The following WWC2 variants were observed in gnomAD, a reference collection of about 807,000 sequenced individuals.
WWC2 encodes the protein protein WWC2.
In WWC2, 101 loss-of-function variants were observed where a neutral mutation model predicts 138.5. The ratio of observed to expected loss-of-function variants is 0.73; its 90% confidence interval spans 0.62 to 0.86. The LOEUF is 0.86. WWC2 is among the 40% of genes least tolerant of loss of function. WWC2 has a pLI of 0.00. For missense variants in WWC2, 1,420 were observed against 1,419.4 expected, an observed-to-expected ratio of 1.00 and a Z score of -0.01; for synonymous variants, 558 against 538.4, an observed-to-expected ratio of 1.04 and a Z score of -0.50.
chr4:183,208,858 A>G (rs1330658487), intron 3 of WWC2, 91 bp from the exon 4 acceptor site: 1 of 830,696 alleles, frequency 1.2e-6, no homozygotes, highest in East Asian at 2.7e-5. Flanking sequence ...ACAGAAGCAC[A>G]TAAATCTTGT....
intron 4 of WWC2, among the ~76,000 whole-genome samples, chr4:183,238,525 C>T (rs1290473023): frequency 6.6e-6 from 1 of 152,160 alleles, no homozygotes; most frequent in East Asian, 1.9e-4. Flanking sequence ...CAGTCCTTTT[C>T]CAGTTCCATC....
intron 1 of WWC2, among the ~76,000 whole-genome samples, chr4:183,152,714 T>C (rs1733677016): frequency 6.6e-6 from 1 of 151,456 alleles, no homozygotes; most frequent in African/African-American, 2.4e-5. Context: ...GAAACCTGTC[T>C]TTACTAAATA....
chr4:183,214,536 T>C (rs1268350666), intron 4 of WWC2, among the ~76,000 whole-genome samples: 2 of 152,114 alleles, frequency 1.3e-5, no homozygotes, highest in African/African-American at 4.8e-5. Flanking sequence ...CTCATGCCTG[T>C]AATCCCAGCA....
At chr4:183,186,630 C>T (rs1734809776) in intron 1 of WWC2, among the ~76,000 whole-genome samples, 1 of 152,122 alleles carries the variant, frequency 6.6e-6, no homozygotes, top group South Asian at 2.1e-4. Flanking sequence ...TGGAATGAGA[C>T]TGCAGAGTAG....
Position 183,319,399 on chromosome 4 carries a change from G to T in WWC2, c.*3670G>T. On this transcript the variant is annotated 3_prime_UTR_variant, in exon 23 of 23. Coordinates refer to ENST00000403733, the MANE Select transcript of WWC2 (RefSeq NM_024949.6). ...GGTCTCAGACTAGAAGATAAAAATG[G>T]TTTACCAGTCTTGGAAAGAAACTAT... 1.2e-6 allele frequency: 1 copy of T among 810,468 alleles called. No homozygotes were observed. The highest frequency in any genetic ancestry group is 1.9e-6 in the Non-Finnish European group (1 of 513,638). The allele number at this position is 810,468 out of a possible 1,614,324, so 50.2% of individuals were successfully genotyped here.
At chr4:183,249,195 C>G (rs1220365881) in intron 7 of WWC2, among the ~76,000 whole-genome samples, 1 of 152,068 alleles carries the variant, frequency 6.6e-6, no homozygotes, top group East Asian at 1.9e-4. Context: ...TTCAAATAAA[C>G]ATTAGGCCAA....
At chr4:183,241,656 C>G (rs1736625164) in intron 5 of WWC2, among the ~76,000 whole-genome samples, 1 of 152,128 alleles carries the variant, frequency 6.6e-6, no homozygotes, top group Admixed American at 6.6e-5. Flanking sequence ...AAGTGCTTCT[C>G]AAGTCCAGCC....
chr4:183,296,475 T>C (rs1275099883), intron 21 of WWC2, among the ~76,000 whole-genome samples: 1 of 152,190 alleles, frequency 6.6e-6, no homozygotes, highest in Admixed American at 6.5e-5. Context: ...AGAAACTGTC[T>C]GAAAAAGAGT....
At chr4:183,114,902 A>G (rs1380891315) in intron 1 of WWC2, among the ~76,000 whole-genome samples, 1 of 152,012 alleles carries the variant, frequency 6.6e-6, no homozygotes, top group Non-Finnish European at 1.5e-5. Flanking sequence ...GCTCACTGCA[A>G]CCTCTGCCTC....
At chr4:183,144,350 T>A (rs1355213024) in intron 1 of WWC2, among the ~76,000 whole-genome samples, 1 of 152,160 alleles carries the variant, frequency 6.6e-6, no homozygotes, top group African/African-American at 2.4e-5. Context: ...ATGTCACCAT[T>A]TGACATGAAT....
chr4:183,261,531 A>T lies in WWC2; in HGVS notation c.1908A>T (p.Ala636=). ...CAREPLYEGT[A]DVEKSLPKRR... is the part of the protein sequence containing the mutation. ...GGGAGCCATTATATGAAGGAACTGC[A>T]GGTAAATGCAGCCCTTTGCTTTCAT... Residue 636 remains alanine, a splice_region_variant and synonymous_variant, in exon 11 of 23, where the codon GCA becomes GCT. Coordinates refer to ENST00000403733, the MANE Select transcript of WWC2 (RefSeq NM_024949.6). The T allele has an allele frequency of 6.2e-7, 1 of 1,609,054 alleles. No homozygotes were observed. Among genetic ancestry groups the T allele is most frequent in the Non-Finnish European group, 8.5e-7 (1 of 1,177,540 alleles).
rs765818314 is a variant in WWC2 at position 183,284,333 on chromosome 4, T to C, written c.2991T>C (p.Ser997=). ...GACAGCATCCGTTTGTGAGGAGCAG[T>C]GTGATAGTGCGCTCACAGACCTTTT... is the stretch of plus-strand genomic sequence containing the variant. ...SSRQHPFVRS[S]VIVRSQTFSP... Residue 997 remains serine, a synonymous_variant, in exon 19 of 23, where the codon AGT becomes AGC. Transcript: ENST00000403733. 4.3e-6 allele frequency: 7 copies of C among 1,613,796 alleles called. No homozygotes were observed. Among genetic ancestry groups the C allele is most frequent in the Non-Finnish European group, 5.9e-6 (7 of 1,179,884 alleles).
At chr4:183,203,287 A>G (rs1200822868) in intron 2 of WWC2, among the ~76,000 whole-genome samples, 1 of 151,498 alleles carries the variant, frequency 6.6e-6, no homozygotes, top group African/African-American at 2.4e-5. Context: ...AGGAAGAGTT[A>G]TCCCTCCTTT....
chr4:183,301,298 C>G (rs1490224802), intron 21 of WWC2, among the ~76,000 whole-genome samples: 1 of 152,146 alleles, frequency 6.6e-6, no homozygotes, highest in Non-Finnish European at 1.5e-5. Context: ...ACATTTGTCA[C>G]CCTTGTATTT....
chr4:183,261,228 A>T lies in WWC2; in HGVS notation c.1605A>T (p.Pro535=). 3 of 1,612,820 alleles carry T rather than the reference A, an allele frequency of 1.9e-6. No individual in the cohort carries two copies. Among genetic ancestry groups the T allele is most frequent in the Non-Finnish European group, 2.5e-6 (3 of 1,179,474 alleles). ...VAAAATGHTP[P]LAEAPKSVAS... ...CTGCAGCAACAGGCCACACTCCTCC[A>T]CTGGCTGAGGCCCCGAAGTCTGTGG... Residue 535 remains proline, a synonymous_variant, in exon 11 of 23, where the codon CCA becomes CCT. Coordinates refer to ENST00000403733, the MANE Select transcript of WWC2 (RefSeq NM_024949.6).
intron 1 of WWC2, among the ~76,000 whole-genome samples, chr4:183,171,484 G>A (rs1341307501): frequency 2.0e-5 from 3 of 152,072 alleles, no homozygotes; most frequent in Non-Finnish European, 4.4e-5. Context: ...TAATCTCTGA[G>A]CAAATGTAAC....
rs142121441 is a variant in WWC2, at chr4:183,269,820, C to T, written c.2400+657C>T. 283 of 195,954 alleles carry T rather than the reference C, an allele frequency of 1.4e-3. 2 individuals are homozygous for T. Among genetic ancestry groups the T allele is most frequent in the African/African-American group, 6.2e-3 (268 of 43,562 alleles). 12.1% of individuals were successfully genotyped at this position (195,954 alleles called of 1,614,324 possible). On this transcript the variant is annotated intron_variant, in intron 15 of 22. Coordinates refer to ENST00000403733, the MANE Select transcript of WWC2 (RefSeq NM_024949.6). ...TTTAAAGCAATATGACATTTAAATG[C>T]TACAGCAGAAGACTTCACAGTTAAC...
At chr4:183,275,006 A>G (rs1157011992) in intron 16 of WWC2, among the ~76,000 whole-genome samples, 3 of 152,178 alleles carry the variant, frequency 2.0e-5, no homozygotes, top group Non-Finnish European at 2.9e-5. Context: ...GGGCATTAGA[A>G]CAGCAGAACT....
intron 14 of WWC2, among the ~76,000 whole-genome samples, chr4:183,268,152 G>A (rs575028811): frequency 1.1e-4 from 17 of 152,202 alleles, no homozygotes; most frequent in African/African-American, 3.9e-4. Context: ...TTTTTCTAAC[G>A]GAGAAAGGCA....
Sources: gnomAD v4.1 joint callset for allele counts (sites outside exome capture counted in the v4.1 genomes callset) on GRCh38, gnomAD v4.1.1 for gene constraint, MANE v1.5 for transcripts, NCBI Gene and HGNC (gene_info 2026-07-23, HGNC 2026-07-21) for gene names.